Variants in CENPO observed in about 807,000 individuals in gnomAD.
The protein encoded by CENPO is centromere protein O.
In CENPO, 30 loss-of-function variants were observed where a neutral mutation model predicts 36.1. The ratio of observed to expected loss-of-function variants is 0.83; its 90% CI spans 0.62 to 1.13. The LOEUF is 1.13. CENPO is among the 50% of genes most tolerant of loss of function. The pLI, the probability that CENPO is intolerant of heterozygous loss-of-function variation, is 0.00. For synonymous variants in CENPO, 171 were observed against 142.3 expected (o/e 1.20, Z -1.44); for missense variants, 349 against 357.8 (o/e 0.98, Z 0.20).
At chr2:24,799,641 GCTT>G (rs1248714657) in intron 2 of CENPO, 31 bp from the exon 3 acceptor site, 11 of 1,550,006 alleles carry the variant, frequency 7.1e-6, no homozygotes, top group African/African-American at 2.8e-5. Flanking sequence ...GAAATCCTCA[GCTT>G]CTTGTAAAAT....
At position 24,793,984 on chromosome 2, in the gene CENPO, C is replaced by A; in HGVS notation, c.46+19C>A. ...AAAGGAGGTATTCAGAGGGTCGCCG[C>A]CTCCTTCCTGCTGCTGCCCAAAGAT... On this transcript the variant is annotated intron_variant, in intron 2 of 7. Coordinates refer to ENST00000380834, the MANE Select transcript of CENPO (RefSeq NM_001322101.2). 1 of 1,576,528 alleles carries A rather than the reference C, an allele frequency of 6.3e-7. No individual in the cohort carries two copies. Among genetic ancestry groups the A allele is most frequent in the East Asian group, 2.2e-5 (1 of 44,690 alleles).
chr2:24,799,537 A>G (rs1175648853), intron 2 of CENPO, 138 bp from the exon 3 acceptor site: 2 of 671,206 alleles, frequency 3.0e-6, no homozygotes, highest in East Asian at 2.5e-5. Flanking sequence ...ATAAATTGAC[A>G]GATATCTAAC....
Position 24,816,714 on chromosome 2 carries a change from T to G in CENPO, c.663T>G (p.Thr221=). The change falls in exon 6 of 8, where the codon ACT becomes ACG. Residue 221 remains threonine (T), a synonymous_variant. Coordinates refer to ENST00000380834, the MANE Select transcript of CENPO (RefSeq NM_001322101.2). ...CACTGTGTAACTTGCTGTCATTTAC[T>G]TACAAACTGGATCCAGGGGGTCAGT... ...RNPLCNLLSF[T]YKLDPGGQSF... 6.2e-7 allele frequency: 1 copy of G among 1,613,448 alleles called. No individual in the cohort carries two copies. The highest frequency in any genetic ancestry group is 8.5e-7 in the Non-Finnish European group (1 of 1,179,748).
Position 24,815,520 on chromosome 2 carries a change from C to A in CENPO, c.358C>A (p.Arg120=), listed in dbSNP as rs1455886774. ...FTGLSGKLTS[R]GVCVCISTAF... ...AGGCCTCAGTGGTAAACTGACCAGC[C>A]GAGGAGTTTGTGTCTGCATCAGTAC... is the stretch of plus-strand genomic sequence containing the variant. The change falls in exon 5 of 8, where the codon CGA becomes AGA. Residue 120 remains arginine (R), a synonymous_variant. Coordinates refer to ENST00000380834, the MANE Select transcript of CENPO (RefSeq NM_001322101.2). The A allele has an allele frequency of 6.2e-7, 1 of 1,613,700 alleles. No individual in the cohort carries two copies. Among genetic ancestry groups the A allele is most frequent in the Non-Finnish European group, 8.5e-7 (1 of 1,179,666 alleles).
Position 24,819,848 on chromosome 2 carries a change from T to G in CENPO, c.*530T>G, listed in dbSNP as rs1667276529. 1 of 1,443,420 alleles carries G rather than the reference T, an allele frequency of 6.9e-7. No homozygotes were observed. The highest frequency in any genetic ancestry group is 9.4e-7 in the Non-Finnish European group (1 of 1,058,916). The allele number at this position is 1,443,420 out of a possible 1,614,324, so 89.4% of individuals were successfully genotyped here. A position where few individuals can be genotyped will look rare whatever the true frequency, so the allele number is the denominator to read the frequency against. On this transcript the variant is annotated 3_prime_UTR_variant, in exon 8 of 8. Coordinates refer to ENST00000380834, the MANE Select transcript of CENPO (RefSeq NM_001322101.2). Reference sequence around the variant, plus strand: ...AACCTAAAGTCCATGAGTGTGCACTTCAATCCAGGAAGGTCGGGACTTCCT... The same window carrying G: ...AACCTAAAGTCCATGAGTGTGCACTGCAATCCAGGAAGGTCGGGACTTCCT...
At chr2:24,810,866 G>A (rs576121450) in intron 3 of CENPO, among the ~76,000 whole-genome samples, 2 of 152,044 alleles carry the variant, frequency 1.3e-5, no homozygotes, top group South Asian at 2.1e-4. Flanking sequence ...TTACGTTTAA[G>A]GTATTCTTCT....
chr2:24,798,065 C>G lies in CENPO; in HGVS notation c.47-1610C>G, dbSNP rs570022253. On this transcript the variant is annotated intron_variant, in intron 2 of 7. Coordinates refer to ENST00000380834, the MANE Select transcript of CENPO (RefSeq NM_001322101.2). ...TTTGGATTTTCAGATATGGGATGTT[C>G]AGCCAGTAAGTGTAATGCAAATACT... Among the ~76,000 whole-genome samples, 6 of 152,236 alleles carry G rather than the reference C, an allele frequency of 3.9e-5. No individual in the cohort carries two copies. In the East Asian group the frequency reaches 1.2e-3, roughly 29 times the overall value.
chr2:24,815,433 G>C, intron 4 of CENPO, 64 bp from the exon 5 acceptor site: 1 of 1,337,350 alleles, frequency 7.5e-7, no homozygotes, highest in Admixed American at 1.7e-5. Context: ...GCTACTGGAG[G>C]CACAGATGAG....
At position 24,822,177 on chromosome 2, in the gene CENPO, A is replaced by C. The variant is rs1572773564; in HGVS notation, c.*2859A>C. 1 of 223,236 alleles carries C rather than the reference A, an allele frequency of 4.5e-6. No individual in the cohort carries two copies. The highest frequency in any genetic ancestry group is 1.0e-4 in the East Asian group (1 of 9,758). The allele number at this position is 223,236 out of a possible 1,614,324, so 13.8% of individuals were successfully genotyped here. A position where few individuals can be genotyped will look rare whatever the true frequency, so the allele number is the denominator to read the frequency against. On this transcript the variant is annotated 3_prime_UTR_variant, in exon 8 of 8. Transcript: ENST00000380834. ...CTTAACAAAAGAACAGGCTGCCGTC[A>C]GCCAGAGTTCTGAAGGCCATGCTTT...
chr2:24,795,651 A>G (rs1219585534), intron 2 of CENPO, among the ~76,000 whole-genome samples: 1 of 152,170 alleles, frequency 6.6e-6, no homozygotes, highest in Non-Finnish European at 1.5e-5. Context: ...GGGAATATTG[A>G]TATCTACTGT....
Position 24,793,551 on chromosome 2 carries a change from C to T in CENPO, c.-69+50C>T, listed in dbSNP as rs540831094. ...GGAAAGACCCATTGTCGGACCGGAC[C>T]GTGGCCAGGGTGGCGGGCTGAACGG... On this transcript the variant is annotated intron_variant, in intron 1 of 7. Transcript: ENST00000380834. 2.6e-5 allele frequency: 39 copies of T among 1,522,750 alleles called. No individual in the cohort carries two copies. The African/African-American group carries it at 4.7e-4, about 18-fold the overall frequency. The allele number at this position is 1,522,750 out of a possible 1,614,324, so 94.3% of individuals were successfully genotyped here. A position where few individuals can be genotyped will look rare whatever the true frequency, so the allele number is the denominator to read the frequency against.
chr2:24,804,729 G>C (rs1326606438), intron 3 of CENPO, among the ~76,000 whole-genome samples: 1 of 152,118 alleles, frequency 6.6e-6, no homozygotes, highest in South Asian at 2.1e-4. Context: ...TTTGTGGGTA[G>C]CCCGACCTTT....
chr2:24,812,768 G>T (rs1367203882), intron 3 of CENPO, among the ~76,000 whole-genome samples: 1 of 151,882 alleles, frequency 6.6e-6, no homozygotes, highest in South Asian at 2.1e-4. Flanking sequence ...CTTTGGTCTG[G>T]GTTTCCATCT....
At position 24,793,448 on chromosome 2, in the gene CENPO, C is replaced by G; in HGVS notation, c.-122C>G. 2 of 1,605,614 alleles carry G rather than the reference C, an allele frequency of 1.2e-6. No homozygotes were observed. Among genetic ancestry groups the G allele is most frequent in the Non-Finnish European group, 8.5e-7 (1 of 1,175,692 alleles). The stretch of plus-strand genomic sequence containing the variant: ...GCAGGATCGCAAAGCACGCCGGGAC[C>G]GGTTGGTTTGGTTTTGAAGACGTGG... On this transcript the variant is annotated 5_prime_UTR_variant, in exon 1 of 8. Coordinates refer to ENST00000380834, the MANE Select transcript of CENPO (RefSeq NM_001322101.2).
intron 6 of CENPO, among the ~76,000 whole-genome samples, 186 bp downstream of exon 6, chr2:24,817,003 T>C (rs917356912): frequency 2.6e-5 from 4 of 152,232 alleles, no homozygotes; most frequent in Non-Finnish European, 5.9e-5. Flanking sequence ...TCTTTGTAAA[T>C]GGTAAACATG....
chr2:24,816,930 ATACTG>A (rs1442870078), intron 6 of CENPO, 113 bp downstream of exon 6: 2 of 952,396 alleles, frequency 2.1e-6, no homozygotes, highest in South Asian at 1.8e-5. Context: ...CTCTGTTTAT[ATACTG>A]TACATTACTC....
chr2:24,820,715 T>A lies in CENPO; in HGVS notation c.*1397T>A. 6.2e-7 allele frequency: 1 copy of A among 1,613,968 alleles called. No individual in the cohort carries two copies. Among genetic ancestry groups the A allele is most frequent in the Non-Finnish European group, 8.5e-7 (1 of 1,179,922 alleles). On this transcript the variant is annotated 3_prime_UTR_variant, in exon 8 of 8. Transcript: ENST00000380834. ...TCTGAGCACGTGCCAGCTGTGCCAC[T>A]GGACATACCTGAATGTTGCCCATGA...
Position 24,820,084 on chromosome 2 carries a change from C to T in CENPO, c.*766C>T, listed in dbSNP as rs1667325426. 6.4e-7 allele frequency: 1 copy of T among 1,561,676 alleles called. No homozygotes were observed. Among genetic ancestry groups the T allele is most frequent in the Non-Finnish European group, 8.7e-7 (1 of 1,154,226 alleles). ...CGCCTCACAAAGCGGAAGCCGTACTCTCGGAGGATGACTTGGGTTTCTTCT... is the reference window on the plus strand; with the variant it reads ...CGCCTCACAAAGCGGAAGCCGTACTTTCGGAGGATGACTTGGGTTTCTTCT... On this transcript the variant is annotated 3_prime_UTR_variant, in exon 8 of 8. Transcript: ENST00000380834.
At position 24,818,793 on chromosome 2, in the gene CENPO, G is replaced by A. The variant is rs74474448; in HGVS notation, c.*36-561G>A. Reference sequence around the variant, plus strand: ...GGCACCTCTGGTTCCTTGGCGTGTGGGTCACTCACAGATATGAAAACCTGT... The same window carrying A: ...GGCACCTCTGGTTCCTTGGCGTGTGAGTCACTCACAGATATGAAAACCTGT... On this transcript the variant is annotated intron_variant, in intron 7 of 7. Transcript: ENST00000380834. Among the ~76,000 whole-genome samples, 609 of 152,262 alleles carry A rather than the reference G, an allele frequency of 4.0e-3. 5 individuals carry two copies. The highest frequency in any genetic ancestry group is 0.014 in the African/African-American group (564 of 41,536).
Sources: allele counts gnomAD v4.1 joint callset (sites outside exome capture counted in the v4.1 genomes callset), GRCh38; gene constraint gnomAD v4.1.1; transcripts MANE v1.5; gene names NCBI Gene and HGNC (gene_info 2026-07-23, HGNC 2026-07-21).